Variants in SLC35F3 observed in about 807,000 individuals in gnomAD.
The protein encoded by SLC35F3 is solute carrier family 35 member F3.
A neutral mutation model predicts 49.9 loss-of-function variants in SLC35F3; 25 were observed. The ratio of observed to expected loss-of-function variants is 0.50; its 90% CI spans 0.37 to 0.70. The LOEUF is 0.70. Among genes scored for constraint, SLC35F3 ranks in the 30% least tolerant of loss-of-function variants. The probability of loss-of-function intolerance (pLI) is 0.00; values close to 1 mark genes in which losing one functional copy is unlikely to be tolerated. For synonymous variants in SLC35F3, 275 were observed against 265.4 expected, an observed-to-expected ratio of 1.04 and a Z score of -0.35; for missense variants, 525 against 639.8, an observed-to-expected ratio of 0.82 and a Z score of 1.94.
chr1:234,021,382 A>G (rs1014866710), intron 2 of SLC35F3, among the ~76,000 whole-genome samples: 2 of 152,198 alleles, frequency 1.3e-5, no homozygotes, highest in Admixed American at 1.3e-4. Flanking sequence ...GAAGACCCCA[A>G]TCAATGTCAT....
chr1:234,276,149 G>A (rs1407591102), intron 3 of SLC35F3, among the ~76,000 whole-genome samples: 13 of 152,104 alleles, frequency 8.5e-5, no homozygotes, highest in Admixed American at 8.5e-4. Context: ...TAATTAAGTA[G>A]GATATTTTAA....
chr1:234,188,127 CT>C (rs1468570506), intron 2 of SLC35F3, among the ~76,000 whole-genome samples: 2 of 151,950 alleles, frequency 1.3e-5, no homozygotes, highest in Admixed American at 1.3e-4. Flanking sequence ...ATCCCAGCTA[CT>C]TGGTAGGCTG....
intron 2 of SLC35F3, among the ~76,000 whole-genome samples, chr1:234,006,339 A>G (rs1237602512): frequency 6.6e-6 from 1 of 152,232 alleles, no homozygotes; most frequent in African/African-American, 2.4e-5. Flanking sequence ...ATTTTTCTGA[A>G]AAACCCAAGA....
Position 234,025,730 on chromosome 1 carries a change from G to A in SLC35F3, c.283+119972G>A, listed in dbSNP as rs1478010345. 2.0e-5 allele frequency among the ~76,000 whole-genome samples: 3 copies of A among 152,152 alleles called. No homozygotes were observed. The East Asian group carries it at 5.8e-4, about 29-fold the overall frequency. ...TCTGGATGTTAGACCTTTGTAGGGT[G>A]CCATTTGTAAATATTTTCTCCATTC... On this transcript the variant is annotated intron_variant, in intron 2 of 7. Coordinates refer to ENST00000366618, the MANE Select transcript of SLC35F3 (RefSeq NM_173508.4).
At chr1:234,275,563 G>T (rs1034137422) in intron 3 of SLC35F3, among the ~76,000 whole-genome samples, 1 of 150,334 alleles carries the variant, frequency 6.7e-6, no homozygotes, top group African/African-American at 2.5e-5. Flanking sequence ...GGGTTGGCTT[G>T]TAGGTAGGTA....
intron 2 of SLC35F3, among the ~76,000 whole-genome samples, chr1:233,942,030 G>A (rs765922007): frequency 2.7e-5 from 4 of 148,890 alleles, no homozygotes; most frequent in African/African-American, 7.4e-5. Context: ...GCACGATCTC[G>A]GATCACTGCA....
At chr1:234,264,374 G>A (rs1262968108) in intron 3 of SLC35F3, among the ~76,000 whole-genome samples, 1 of 152,002 alleles carries the variant, frequency 6.6e-6, no homozygotes, top group Non-Finnish European at 1.5e-5. Context: ...ACCTGGCCAG[G>A]TGCCACCTTA....
intron 2 of SLC35F3, among the ~76,000 whole-genome samples, chr1:234,028,638 G>A (rs1025349699): frequency 3.9e-5 from 6 of 152,208 alleles, no homozygotes; most frequent in Non-Finnish European, 5.9e-5. Context: ...ATGTTTATGT[G>A]TTGACGGGAA....
At chr1:234,007,754 A>G (rs1456444107) in intron 2 of SLC35F3, among the ~76,000 whole-genome samples, 2 of 152,228 alleles carry the variant, frequency 1.3e-5, no homozygotes, top group Admixed American at 6.5e-5. Flanking sequence ...ATCTCAATAT[A>G]CTTTTACTAA....
chr1:233,956,758 G>T (rs186371681), intron 2 of SLC35F3, among the ~76,000 whole-genome samples: 163 of 152,352 alleles, frequency 1.1e-3, no homozygotes, highest in African/African-American at 3.5e-3. Flanking sequence ...CAAGGGTCCT[G>T]CAGCCTCAAG....
At chr1:233,987,570 G>T (rs967068524) in intron 2 of SLC35F3, among the ~76,000 whole-genome samples, 7 of 151,238 alleles carry the variant, frequency 4.6e-5, no homozygotes, top group African/African-American at 1.7e-4. Flanking sequence ...TTTGCATCTG[G>T]TATTTTGACG....
At chr1:234,125,256 C>T (rs999539562) in intron 2 of SLC35F3, among the ~76,000 whole-genome samples, 1 of 152,074 alleles carries the variant, frequency 6.6e-6, no homozygotes, top group Non-Finnish European at 1.5e-5. Flanking sequence ...CCAAATTGCC[C>T]AGTTCACGCT....
In SLC35F3 at chr1:234,214,672, G is replaced by T; in HGVS notation, c.284-16745G>T. On this transcript the variant is annotated intron_variant, in intron 2 of 7. Transcript: ENST00000366618. This position sits in a 1 kb window ranked among gnomAD's most constrained non-coding sequence, Gnocchi z 8.0. ...GTCTGGCTGCGGGGCGCCGGGGCTG[G>T]GGGTACTGCTCCCCCAGGACGCGGC... The T allele has an allele frequency of 7.1e-7, 1 of 1,412,464 alleles. No individual in the cohort carries two copies. Among genetic ancestry groups the T allele is most frequent in the South Asian group, 1.5e-5 (1 of 67,222 alleles). 87.5% of individuals were successfully genotyped at this position (1,412,464 alleles called of 1,614,324 possible). A position where few individuals can be genotyped will look rare whatever the true frequency, so the allele number is the denominator to read the frequency against.
At chr1:234,016,878 G>A (rs1663809195) in intron 2 of SLC35F3, among the ~76,000 whole-genome samples, 1 of 152,190 alleles carries the variant, frequency 6.6e-6, no homozygotes, top group Non-Finnish European at 1.5e-5. Context: ...CACTCCAGGA[G>A]GAAGGGGGAG....
intron 2 of SLC35F3, among the ~76,000 whole-genome samples, chr1:234,052,099 A>C (rs1329144161): frequency 1.3e-5 from 2 of 152,184 alleles, no homozygotes; most frequent in South Asian, 2.1e-4. Context: ...GTCTAAAATT[A>C]TCTTTTTTTG....
chr1:234,157,088 C>T (rs1666165418), intron 2 of SLC35F3, among the ~76,000 whole-genome samples: 1 of 152,100 alleles, frequency 6.6e-6, no homozygotes, highest in African/African-American at 2.4e-5. Flanking sequence ...TTGAAGTGTG[C>T]ACTTTAAGTG....
At chr1:234,295,615 A>G (rs1227046143) in intron 3 of SLC35F3, among the ~76,000 whole-genome samples, 8 of 152,258 alleles carry the variant, frequency 5.3e-5, no homozygotes, top group Non-Finnish European at 8.8e-5. Flanking sequence ...GATCCCTGAA[A>G]TGTGGTGTGG....
chr1:234,189,070 C>G (rs1246269060), intron 2 of SLC35F3, among the ~76,000 whole-genome samples: 1 of 151,866 alleles, frequency 6.6e-6, no homozygotes, highest in Non-Finnish European at 1.5e-5. Flanking sequence ...GCCTTGAGCC[C>G]CAGATCTTCC....
At chr1:234,000,195 T>C (rs1663529959) in intron 2 of SLC35F3, among the ~76,000 whole-genome samples, 1 of 152,190 alleles carries the variant, frequency 6.6e-6, no homozygotes, top group Non-Finnish European at 1.5e-5. Context: ...AAACATGGGC[T>C]GCGTTCCATT....
Sources: allele counts gnomAD v4.1 joint callset (sites outside exome capture counted in the v4.1 genomes callset), GRCh38; gene constraint gnomAD v4.1.1; non-coding constraint Gnocchi (gnomAD v3.1); transcripts MANE v1.5; gene names NCBI Gene and HGNC (gene_info 2026-07-23, HGNC 2026-07-21).